MAST4: variants seen among roughly 807,000 people sequenced by gnomAD.
The protein encoded by MAST4 is microtubule associated serine/threonine kinase family member 4, also known as microtubule-associated serine/threonine-protein kinase 4.
MAST4 carries 89 observed loss-of-function variants against 162.7 expected under a neutral mutation model. That is an observed-to-expected ratio of 0.55 (90% CI 0.46 to 0.65). The LOEUF (loss-of-function observed/expected upper bound fraction) is 0.65. Among genes scored for constraint, MAST4 ranks in the 30% least tolerant of loss-of-function variants. The probability of loss-of-function intolerance (pLI) is 0.00; values close to 1 mark genes in which losing one functional copy is unlikely to be tolerated. For synonymous variants in MAST4, 1,479 were observed against 1,361.1 expected (o/e 1.09, Z -1.91); for missense variants, 3,153 against 3,374.0 (o/e 0.93, Z 1.62).
At chr5:66,978,463 A>T (rs921678086) in intron 4 of MAST4, among the ~76,000 whole-genome samples, 6 of 152,192 alleles carry the variant, frequency 3.9e-5, no homozygotes, top group Non-Finnish European at 7.3e-5. Context: ...GATACCAAGA[A>T]GAGAAGATGT....
chr5:66,799,858 A>G (rs1253825721), intron 3 of MAST4, among the ~76,000 whole-genome samples: 1 of 152,218 alleles, frequency 6.6e-6, no homozygotes, highest in Non-Finnish European at 1.5e-5. Flanking sequence ...GACCTTGACC[A>G]AGGAACATAA....
intron 5 of MAST4, among the ~76,000 whole-genome samples, chr5:67,061,820 C>CAAAA (rs113115367): frequency 1.1e-5 from 1 of 94,326 alleles, no homozygotes. Flanking sequence ...AGTTCTTGGG[C>CAAAA]AAAAAAAAAA....
Position 66,596,871 on chromosome 5 carries a change from C to T in MAST4, c.216C>T (p.Thr72=), listed in dbSNP as rs1742211162. 4 of 1,294,584 alleles carry T rather than the reference C, an allele frequency of 3.1e-6. No homozygotes were observed. The highest frequency in any genetic ancestry group is 3.9e-6 in the Non-Finnish European group (4 of 1,023,538). 80.2% of individuals were successfully genotyped at this position (1,294,584 alleles called of 1,614,324 possible). Residue 72 remains threonine, a synonymous_variant, in exon 1 of 29, where the codon ACC becomes ACT. Coordinates refer to ENST00000403625, the MANE Select transcript of MAST4 (RefSeq NM_001164664.2). ...QPPPPPPLGG[T]LGARAPAAWA... ...CGCCGCCGCCGCCGTTGGGAGGCAC[C>T]CTGGGCGCCCGGGCGCCCGCCGCGT...
chr5:66,865,914 A>C (rs1300875053), intron 3 of MAST4, among the ~76,000 whole-genome samples: 1 of 152,072 alleles, frequency 6.6e-6, no homozygotes, highest in Non-Finnish European at 1.5e-5. Context: ...ATCTTTACCA[A>C]AAATACGAAA....
chr5:66,682,048 G>T (rs752515919), intron 1 of MAST4, among the ~76,000 whole-genome samples: 8 of 152,156 alleles, frequency 5.3e-5, no homozygotes, highest in Admixed American at 1.3e-4. Context: ...GTGTACAAAG[G>T]TGTCCAGGCT....
chr5:66,887,810 G>A (rs1762131847), intron 3 of MAST4, among the ~76,000 whole-genome samples: 1 of 152,180 alleles, frequency 6.6e-6, no homozygotes. Flanking sequence ...CAGTGGTGAT[G>A]GGTAGGGGAG....
At chr5:66,892,050 G>T (rs1762397238) in intron 3 of MAST4, among the ~76,000 whole-genome samples, 1 of 152,168 alleles carries the variant, frequency 6.6e-6, no homozygotes, top group Non-Finnish European at 1.5e-5. Flanking sequence ...AAGGGAGGAA[G>T]TTCTTTCCCA....
intron 1 of MAST4, among the ~76,000 whole-genome samples, chr5:66,635,877 A>G (rs1336440524): frequency 6.7e-6 from 1 of 149,434 alleles, no homozygotes; most frequent in Non-Finnish European, 1.5e-5. Context: ...AGCTTTAATC[A>G]GATTCTCAGG....
intron 1 of MAST4, among the ~76,000 whole-genome samples, chr5:66,663,452 G>A (rs1340814834): frequency 1.3e-5 from 2 of 152,208 alleles, no homozygotes; most frequent in East Asian, 1.9e-4. Context: ...GGGAGATAGC[G>A]AGTGATGAGA....
chr5:66,897,663 G>C (rs1056213767), intron 3 of MAST4, among the ~76,000 whole-genome samples: 4 of 152,170 alleles, frequency 2.6e-5, no homozygotes, highest in African/African-American at 9.7e-5. Flanking sequence ...CTTGGTTAGC[G>C]TGGTAGCTTC....
At chr5:66,824,493 G>A (rs972523943) in intron 3 of MAST4, among the ~76,000 whole-genome samples, 15 of 152,186 alleles carry the variant, frequency 9.9e-5, no homozygotes, top group Admixed American at 3.3e-4. Context: ...TTAGGCCAGT[G>A]GAATGGAGTG....
chr5:66,604,184 G>C (rs1427656711), intron 1 of MAST4, among the ~76,000 whole-genome samples: 2 of 152,194 alleles, frequency 1.3e-5, no homozygotes, highest in East Asian at 3.9e-4. Flanking sequence ...TGGAACTTGT[G>C]TGAAATTCCT....
At chr5:67,099,000 A>G (rs1764736643) in intron 7 of MAST4, among the ~76,000 whole-genome samples, 1 of 152,138 alleles carries the variant, frequency 6.6e-6, no homozygotes, top group Non-Finnish European at 1.5e-5. Context: ...GATTACTGTA[A>G]ACTTAGGAAC....
At chr5:67,120,935 C>G in intron 13 of MAST4, 82 bp from the exon 14 acceptor site, 1 of 989,478 alleles carries the variant, frequency 1.0e-6, no homozygotes, top group Non-Finnish European at 1.5e-6. Context: ...AACAGCATGT[C>G]CTTCAAATAT....
At chr5:66,714,175 C>T (rs1422006838) in intron 1 of MAST4, among the ~76,000 whole-genome samples, 3 of 152,154 alleles carry the variant, frequency 2.0e-5, no homozygotes, top group Non-Finnish European at 4.4e-5. Context: ...ACCCAAGCTG[C>T]TGTTTAGTCT....
chr5:66,700,802 C>G (rs200429264), intron 1 of MAST4, among the ~76,000 whole-genome samples: 1 of 61,100 alleles, frequency 1.6e-5, no homozygotes, highest in Non-Finnish European at 3.1e-5. Context: ...TATATATATA[C>G]ACACACACAC....
intron 4 of MAST4, among the ~76,000 whole-genome samples, chr5:66,947,341 C>T (rs1191763664): frequency 6.6e-6 from 1 of 152,088 alleles, no homozygotes; most frequent in Non-Finnish European, 1.5e-5. Context: ...GGTTTGTTTT[C>T]TTTTCTTCCT....
intron 24 of MAST4, among the ~76,000 whole-genome samples, chr5:67,151,327 A>AGC (rs139163719): frequency 0.13 from 19,540 of 152,052 alleles, 2,754 homozygotes; most frequent in African/African-American, 0.35. Context: ...CCTCATGGAC[A>AGC]GCACCTTCTC....
At chr5:67,100,043 T>A (rs1764860068) in intron 7 of MAST4, among the ~76,000 whole-genome samples, 1 of 152,116 alleles carries the variant, frequency 6.6e-6, no homozygotes, top group Non-Finnish European at 1.5e-5. Context: ...TACCTAAAAG[T>A]CCGCATTTGA....
Sources: gnomAD v4.1 joint callset for allele counts (sites outside exome capture counted in the v4.1 genomes callset) on GRCh38, gnomAD v4.1.1 for gene constraint, MANE v1.5 for transcripts, NCBI Gene and HGNC (gene_info 2026-07-23, HGNC 2026-07-21) for gene names.